Variants in KCTD8 observed in about 807,000 individuals in gnomAD.
The protein encoded by KCTD8 is potassium channel tetramerization domain containing 8.
In KCTD8, 27 loss-of-function variants were observed where a neutral mutation model predicts 31.5. The ratio of observed to expected loss-of-function variants is 0.86; its 90% confidence interval spans 0.63 to 1.18. The LOEUF is 1.18. KCTD8 is among the 50% of genes most tolerant of loss of function. The pLI, the probability that KCTD8 is intolerant of heterozygous loss-of-function variation, is 0.00. For missense variants in KCTD8, 658 were observed against 647.7 expected (o/e 1.02, Z -0.17); for synonymous variants, 290 against 280.0 (o/e 1.04, Z -0.36).
intron 1 of KCTD8, among the ~76,000 whole-genome samples, chr4:44,381,625 T>A (rs1250185590): frequency 6.6e-6 from 1 of 152,088 alleles, no homozygotes; most frequent in Non-Finnish European, 1.5e-5. Context: ...GGATTGCCAA[T>A]GCTGGAGGTG....
chr4:44,448,419 CCCCGGGGCGGCGG>C lies in KCTD8; in HGVS notation c.92_104del (p.Ala31GlyfsTer11). 6.4e-7 allele frequency: 1 copy of C among 1,564,342 alleles called. No homozygotes were observed. The highest frequency in any genetic ancestry group is 8.6e-7 in the Non-Finnish European group (1 of 1,161,300). On this transcript the variant is annotated frameshift_variant, in exon 1 of 2. Transcript: ENST00000360029. LOFTEE classifies it high-confidence loss of function. The surrounding 1 kb of genome is among the most constrained non-coding windows in gnomAD (Gnocchi z 4.1). ...CAGGGAAGGGCGAGGGTGCGCAGGG[CCCCGGGGCGGCGG>C]CGGCCGACGCGCCGGGCGAGCTGGA...
chr4:44,324,400 G>A (rs2109408295), intron 1 of KCTD8, among the ~76,000 whole-genome samples: 1 of 152,064 alleles, frequency 6.6e-6, no homozygotes, highest in South Asian at 2.1e-4. Context: ...GTTATAATAA[G>A]TTTAGTCTTA....
Position 44,448,628 on chromosome 4 carries a change from C to A in KCTD8, c.-105G>T. On this transcript the variant is annotated 5_prime_UTR_variant, in exon 1 of 2. Transcript: ENST00000360029. This position sits in a 1 kb window ranked among gnomAD's most constrained non-coding sequence, Gnocchi z 4.1. ...GCTCCTGGCGCTCTGCGCCCTCGGA[C>A]TGGGCGGCGCGTTCCTCCGACCGGG... is the stretch of plus-strand genomic sequence containing the variant. 2 of 1,209,938 alleles carry A rather than the reference C, an allele frequency of 1.7e-6. No individual in the cohort carries two copies. The highest frequency in any genetic ancestry group is 2.1e-6 in the Non-Finnish European group (2 of 955,036). 75.0% of individuals were successfully genotyped at this position (1,209,938 alleles called of 1,614,324 possible).
At chr4:44,389,825 G>A (rs145357297) in intron 1 of KCTD8, among the ~76,000 whole-genome samples, 13 of 151,536 alleles carry the variant, frequency 8.6e-5, no homozygotes, top group East Asian at 5.9e-4. Context: ...CCATTTATAC[G>A]TGGATTTTTT....
rs181767325 is a variant in KCTD8, at chr4:44,362,869, G to T, written c.961+84694C>A. On this transcript the variant is annotated intron_variant, in intron 1 of 1. Transcript: ENST00000360029. ...CTTAAATACTAAGAAATAGCTCAGT[G>T]ATTAGAAATATAATTTTTAAATACT... Among the ~76,000 whole-genome samples, 3 of 151,400 alleles carry T rather than the reference G, an allele frequency of 2.0e-5. No homozygotes were observed. The East Asian group carries it at 5.8e-4, about 29-fold the overall frequency.
chr4:44,237,696 A>C (rs1272328195), intron 1 of KCTD8, among the ~76,000 whole-genome samples: 2 of 152,204 alleles, frequency 1.3e-5, no homozygotes, highest in Non-Finnish European at 2.9e-5. Flanking sequence ...TTGAATAATA[A>C]AATAATATAA....
intron 1 of KCTD8, among the ~76,000 whole-genome samples, chr4:44,394,298 G>C (rs948655341): frequency 3.3e-5 from 5 of 151,872 alleles, no homozygotes; most frequent in Non-Finnish European, 7.4e-5. Flanking sequence ...TAAAAATCAA[G>C]TAACTAGCCC....
At chr4:44,248,998 A>G (rs1560405633) in intron 1 of KCTD8, among the ~76,000 whole-genome samples, 1 of 151,884 alleles carries the variant, frequency 6.6e-6, no homozygotes, top group African/African-American at 2.4e-5. Flanking sequence ...TCTCAGCTAA[A>G]TAAATATTAC....
At chr4:44,305,540 T>C (rs547753547) in intron 1 of KCTD8, among the ~76,000 whole-genome samples, 1 of 151,800 alleles carries the variant, frequency 6.6e-6, no homozygotes, top group South Asian at 2.1e-4. Context: ...ATATATCTAA[T>C]ATATAGTATG....
chr4:44,355,597 T>C (rs1396593134), intron 1 of KCTD8, among the ~76,000 whole-genome samples: 1 of 152,192 alleles, frequency 6.6e-6, no homozygotes, highest in Non-Finnish European at 1.5e-5. Flanking sequence ...TTTTGTAATA[T>C]GTTTGCCATG....
At chr4:44,431,411 A>T (rs1464016489) in intron 1 of KCTD8, among the ~76,000 whole-genome samples, 1 of 151,396 alleles carries the variant, frequency 6.6e-6, no homozygotes, top group African/African-American at 2.4e-5. Context: ...TTGTTTCCCC[A>T]CCTATATTGT....
intron 1 of KCTD8, among the ~76,000 whole-genome samples, chr4:44,254,770 G>A (rs1560407261): frequency 6.6e-6 from 1 of 151,788 alleles, no homozygotes; most frequent in Non-Finnish European, 1.5e-5. Context: ...ATTTTCCAAT[G>A]TCTTCCAGTT....
intron 1 of KCTD8, among the ~76,000 whole-genome samples, chr4:44,405,635 T>G (rs987850939): frequency 6.6e-6 from 1 of 152,038 alleles, no homozygotes; most frequent in Non-Finnish European, 1.5e-5. Context: ...ACTCTTCTAA[T>G]TCTCTACTAT....
At chr4:44,395,352 C>T (rs1720474631) in intron 1 of KCTD8, among the ~76,000 whole-genome samples, 1 of 151,950 alleles carries the variant, frequency 6.6e-6, no homozygotes, top group Admixed American at 6.6e-5. Context: ...AGCTAGGGGC[C>T]GAAAAGACCC....
intron 1 of KCTD8, 84 bp downstream of exon 1, chr4:44,447,479 C>T (rs1478064840): frequency 5.6e-6 from 8 of 1,434,476 alleles, no homozygotes; most frequent in Non-Finnish European, 6.4e-6. Flanking sequence ...CGGACACCCC[C>T]GCGGGGCCTC....
intron 1 of KCTD8, among the ~76,000 whole-genome samples, chr4:44,369,778 C>T (rs986574431): frequency 1.3e-5 from 2 of 151,440 alleles, no homozygotes; most frequent in Non-Finnish European, 2.9e-5. Context: ...CAAGCCTGGG[C>T]AACGGAGAGA....
chr4:44,234,135 A>G (rs954985515), intron 1 of KCTD8, among the ~76,000 whole-genome samples: 3 of 152,148 alleles, frequency 2.0e-5, no homozygotes, highest in Non-Finnish European at 4.4e-5. Context: ...GCAGAGAGTT[A>G]CTCTTACCAA....
At chr4:44,197,249 G>A (rs551760623) in intron 1 of KCTD8, among the ~76,000 whole-genome samples, 30 of 152,244 alleles carry the variant, frequency 2.0e-4, no homozygotes, top group Non-Finnish European at 4.0e-4. Flanking sequence ...GCCAGCAGAG[G>A]AGGAGGGTAT....
At chr4:44,377,643 G>A (rs1436395800) in intron 1 of KCTD8, among the ~76,000 whole-genome samples, 1 of 152,174 alleles carries the variant, frequency 6.6e-6, no homozygotes, top group African/African-American at 2.4e-5. Context: ...TCTTGTTTAA[G>A]TCTAAGCACT....
Sources: allele counts gnomAD v4.1 joint callset (sites outside exome capture counted in the v4.1 genomes callset), GRCh38; gene constraint gnomAD v4.1.1; non-coding constraint Gnocchi (gnomAD v3.1); transcripts MANE v1.5; gene names NCBI Gene and HGNC (gene_info 2026-07-23, HGNC 2026-07-21).